SKIL: variants seen among roughly 807,000 people sequenced by gnomAD.
The protein encoded by SKIL is SKI like proto-oncogene.
Under a neutral mutation model 69.6 loss-of-function variants are expected in SKIL, and 20 were observed. The observed-to-expected ratio is 0.29, with a 90% CI of 0.20 to 0.42. The LOEUF (loss-of-function observed/expected upper bound fraction) is 0.42. SKIL is among the 10% of genes least tolerant of loss of function. SKIL has a pLI of 1.00. For synonymous variants in SKIL, 310 were observed against 279.9 expected, an observed-to-expected ratio of 1.11 and a Z score of -1.08; for missense variants, 745 against 783.1, an observed-to-expected ratio of 0.95 and a Z score of 0.58.
chr3:170,362,891 AACT>A (rs1484612564), intron 2 of SKIL, among the ~76,000 whole-genome samples: 1 of 149,076 alleles, frequency 6.7e-6, no homozygotes, highest in Non-Finnish European at 1.5e-5. Flanking sequence ...TAGTAGGCTA[AACT>A]ATTATTTTCA....
chr3:170,358,322 G>C (rs868063033), intron 1 of SKIL, among the ~76,000 whole-genome samples: 3 of 151,898 alleles, frequency 2.0e-5, no homozygotes, highest in African/African-American at 4.8e-5. Context: ...GGCCCCCGCG[G>C]GGGGGCGGTG....
At position 170,390,294 on chromosome 3, in the gene SKIL, A is replaced by G. The variant is rs145870482; in HGVS notation, c.1501A>G (p.Ile501Val). Residue 501 changes from isoleucine to valine, a missense_variant, in exon 5 of 7, where the codon ATA becomes GTA. Coordinates refer to ENST00000259119, the MANE Select transcript of SKIL (RefSeq NM_005414.5). ...TGCCACTTGCAACTTAGTCAGAGAC[A>G]TAAACAAAGTGGGAATTGGCCTTGT... ...ESATCNLVRD[I>V]NKVGIGLVAA... 1.1e-5 allele frequency: 17 copies of G among 1,613,732 alleles called. No individual in the cohort carries two copies. In the East Asian group the frequency reaches 1.1e-4, roughly 11 times the overall value.
At chr3:170,377,292 C>T (rs1737076689) in intron 2 of SKIL, among the ~76,000 whole-genome samples, 4 of 151,120 alleles carry the variant, frequency 2.6e-5, no homozygotes. Context: ...GGCTGGAGTG[C>T]AGTGGAGCGA....
intron 4 of SKIL, among the ~76,000 whole-genome samples, chr3:170,389,274 A>C (rs1431852590): frequency 4.0e-5 from 6 of 151,172 alleles, no homozygotes; most frequent in Non-Finnish European, 5.9e-5. Context: ...ATTCTTTTGC[A>C]TGTGGATATA....
Position 170,396,656 on chromosome 3 carries a change from ACT to A in SKIL, c.*4241_*4242del, listed in dbSNP as rs1340458119. ...TTTATATGGTTTTACTAAAAATAAG[ACT>A]CATGTATCTGGTCACCTAGTTTACA... On this transcript the variant is annotated 3_prime_UTR_variant, in exon 7 of 7. Transcript: ENST00000259119. The A allele has an allele frequency of 6.6e-6, 1 of 152,088 alleles. No homozygotes were observed. Among genetic ancestry groups the A allele is most frequent in the African/African-American group, 2.4e-5 (1 of 41,420 alleles). 9.4% of individuals were successfully genotyped at this position (152,088 alleles called of 1,614,324 possible). A position where few individuals can be genotyped will look rare whatever the true frequency, so the allele number is the denominator to read the frequency against.
intron 4 of SKIL, among the ~76,000 whole-genome samples, chr3:170,386,076 G>A (rs770978038): frequency 5.2e-4 from 78 of 151,446 alleles, no homozygotes; most frequent in Non-Finnish European, 7.8e-4. Context: ...GATTCCAGGC[G>A]TGAGCCACCA....
At chr3:170,363,611 G>C (rs1348332430) in intron 2 of SKIL, among the ~76,000 whole-genome samples, 1 of 151,786 alleles carries the variant, frequency 6.6e-6, no homozygotes, top group Non-Finnish European at 1.5e-5. Flanking sequence ...TCAGCCTCCT[G>C]AGTCACTGGG....
At position 170,381,350 on chromosome 3, in the gene SKIL, GTATT is replaced by G. The variant is rs1560216884; in HGVS notation, c.1196+15_1196+18del. 1.5e-6 allele frequency: 2 copies of G among 1,321,646 alleles called. No individual in the cohort carries two copies. Among genetic ancestry groups the G allele is most frequent in the Non-Finnish European group, 2.2e-6 (2 of 913,014 alleles). 81.9% of individuals were successfully genotyped at this position (1,321,646 alleles called of 1,614,324 possible). A position where few individuals can be genotyped will look rare whatever the true frequency, so the allele number is the denominator to read the frequency against. On this transcript the variant is annotated intron_variant, in intron 3 of 6. Transcript: ENST00000259119. ...TCATTTTTACACCCCAGGTGAGTTG[GTATT>G]TATTTGTTCGTTTGTTCATTCATTT...
At chr3:170,358,971 CTTAGTTACATA>C (rs1736079602) in intron 1 of SKIL, among the ~76,000 whole-genome samples, 1 of 152,170 alleles carries the variant, frequency 6.6e-6, no homozygotes, top group African/African-American at 2.4e-5. Context: ...AAAATTGTAA[CTTAGTTACATA>C]TGGTAGATAT....
intron 3 of SKIL, among the ~76,000 whole-genome samples, chr3:170,382,718 ATT>A (rs35647654): frequency 2.4e-5 from 3 of 123,064 alleles, no homozygotes; most frequent in Non-Finnish European, 1.6e-5. Context: ...CGCAACTTCA[ATT>A]TTTTTTTTTT....
intron 2 of SKIL, 120 bp downstream of exon 2, chr3:170,361,549 C>A: frequency 1.3e-6 from 1 of 790,750 alleles, no homozygotes; most frequent in Non-Finnish European, 2.0e-6. Flanking sequence ...CAACAAAATA[C>A]CGATTGATAT....
At position 170,366,672 on chromosome 3, in the gene SKIL, AACAC is replaced by A. The variant is rs778933453; in HGVS notation, c.1098+5263_1098+5266del. On this transcript the variant is annotated intron_variant, in intron 2 of 6. Coordinates refer to ENST00000259119, the MANE Select transcript of SKIL (RefSeq NM_005414.5). ...GTGACAGAGTGAAACTCTGTCTCAAAACACACACACACACACACACACAGACACA... is the reference window on the plus strand; with the variant it reads ...GTGACAGAGTGAAACTCTGTCTCAAAACACACACACACACACACAGACACA... Among the ~76,000 whole-genome samples, 319 of 112,456 alleles carry A rather than the reference AACAC, an allele frequency of 2.8e-3. 5 individuals carry two copies. The highest frequency in any genetic ancestry group is 0.025 in the Admixed American group (277 of 11,124). 73.8% of individuals were successfully genotyped at this position (112,456 alleles called of 152,430 possible).
Position 170,384,743 on chromosome 3 carries a change from T to C in SKIL, c.1407T>C (p.Ser469=). 3 of 1,582,092 alleles carry C rather than the reference T, an allele frequency of 1.9e-6. No individual in the cohort carries two copies. The highest frequency in any genetic ancestry group is 1.3e-5 in the African/African-American group (1 of 74,362). The change falls in exon 4 of 7, where the codon AGT becomes AGC. Residue 469 remains serine, a synonymous_variant. Transcript: ENST00000259119. ...AGGAGAAAATGGATTTAAAAACAAG[T>C]AGAGAATTATGTAGCCGTTTAGGTA... ...EEQEKMDLKT[S]RELCSRLDAS...
At chr3:170,385,035 A>C (rs554504762) in intron 4 of SKIL, 5 of 240,000 alleles carry the variant, frequency 2.1e-5, no homozygotes, top group Non-Finnish European at 4.0e-5. Context: ...TTCCTTTCCT[A>C]CCTTTTATTT....
rs1384478509 is a variant in SKIL at position 170,384,753 on chromosome 3, T to A, written c.1417T>A (p.Cys473Ser). 4 of 1,547,984 alleles carry A rather than the reference T, an allele frequency of 2.6e-6. No homozygotes were observed. ...GGATTTAAAAACAAGTAGAGAATTA[T>A]GTAGCCGTTTAGGTAAGTATTCAGA... Reference protein sequence around the residue: ...KMDLKTSRELCSRLDASISNN... With the variant: ...KMDLKTSRELSSRLDASISNN... Residue 473 changes from cysteine (C) to serine (S), a missense_variant, in exon 4 of 7, where the codon TGT (cysteine) becomes AGT (serine). Coordinates refer to ENST00000259119, the MANE Select transcript of SKIL (RefSeq NM_005414.5).
intron 5 of SKIL, among the ~76,000 whole-genome samples, 173 bp downstream of exon 5, chr3:170,390,637 C>T (rs1048277089): frequency 2.6e-5 from 4 of 152,126 alleles, no homozygotes; most frequent in Non-Finnish European, 4.4e-5. Flanking sequence ...CAGGCACGTG[C>T]CACCATGCCT....
intron 6 of SKIL, among the ~76,000 whole-genome samples, chr3:170,391,946 A>C (rs1349420005): frequency 6.6e-6 from 1 of 152,240 alleles, no homozygotes; most frequent in African/African-American, 2.4e-5. Flanking sequence ...TCTTTTGTTA[A>C]TAGAATCTCA....
chr3:170,368,243 G>A (rs1392482677), intron 2 of SKIL, among the ~76,000 whole-genome samples: 1 of 152,164 alleles, frequency 6.6e-6, no homozygotes, highest in Non-Finnish European at 1.5e-5. Context: ...GATAAGTTGA[G>A]AGTCAGATGA....
intron 2 of SKIL, among the ~76,000 whole-genome samples, chr3:170,363,079 T>A (rs901414585): frequency 6.6e-6 from 1 of 152,194 alleles, no homozygotes; most frequent in Non-Finnish European, 1.5e-5. Context: ...GTTTTACATA[T>A]ATAATTTTAT....
Sources: gnomAD v4.1 joint callset for allele counts (sites outside exome capture counted in the v4.1 genomes callset) on GRCh38, gnomAD v4.1.1 for gene constraint, MANE v1.5 for transcripts, NCBI Gene and HGNC (gene_info 2026-07-23, HGNC 2026-07-21) for gene names.